AGPS: variants seen among roughly 807,000 people sequenced by gnomAD.
AGPS encodes alkyldihydroxyacetonephosphate synthase, peroxisomal.
A neutral mutation model predicts 90.7 loss-of-function variants in AGPS; 26 were observed. The observed-to-expected ratio is 0.29, with a 90% CI of 0.21 to 0.40. The LOEUF (loss-of-function observed/expected upper bound fraction) is 0.40, where lower values mean the gene tolerates loss of function less well. AGPS is among the 10% of genes least tolerant of loss of function. The probability of loss-of-function intolerance (pLI) is 1.00; values close to 1 mark genes in which losing one functional copy is unlikely to be tolerated. For synonymous variants in AGPS, 294 were observed against 285.3 expected (o/e 1.03, Z -0.31); for missense variants, 540 against 816.1 (o/e 0.66, Z 4.12).
chr2:177,498,231 T>C (rs958327706), intron 13 of AGPS, among the ~76,000 whole-genome samples: 1 of 151,814 alleles, frequency 6.6e-6, no homozygotes, highest in Admixed American at 6.6e-5. Context: ...TTTCTTCTAG[T>C]TCATGTTTTT....
Position 177,479,455 on chromosome 2 carries a change from A to G in AGPS, c.1106-2604A>G, listed in dbSNP as rs576580748. On this transcript the variant is annotated intron_variant, in intron 10 of 19. Coordinates refer to ENST00000264167, the MANE Select transcript of AGPS (RefSeq NM_003659.4). ...TCAAGAGAAAGGAAAACATGTGTCC[A>G]GAAAAAAATTGTACATGTATGTTAA... Among the ~76,000 whole-genome samples, 5 of 152,348 alleles carry G rather than the reference A, an allele frequency of 3.3e-5. No homozygotes were observed. The East Asian group carries it at 7.7e-4, about 23-fold the overall frequency.
At chr2:177,411,782 A>G (rs1352970996) in intron 1 of AGPS, among the ~76,000 whole-genome samples, 9 of 151,948 alleles carry the variant, frequency 5.9e-5, no homozygotes, top group Non-Finnish European at 1.2e-4. Context: ...GACTTACTCA[A>G]TTTGCTTTTA....
chr2:177,504,322 A>AATTT (rs10696203), intron 14 of AGPS, among the ~76,000 whole-genome samples: 1 of 151,694 alleles, frequency 6.6e-6, no homozygotes, highest in Non-Finnish European at 1.5e-5. Context: ...TGAAACTTGG[A>AATTT]GGCTTTCTAC....
chr2:177,523,491 G>T (rs1689261229), intron 18 of AGPS, among the ~76,000 whole-genome samples: 1 of 152,126 alleles, frequency 6.6e-6, no homozygotes, highest in South Asian at 2.1e-4. Flanking sequence ...TGTGCTGAAT[G>T]GTCATTTTGT....
chr2:177,526,180 T>G (rs2079086019), intron 19 of AGPS, among the ~76,000 whole-genome samples: 1 of 152,080 alleles, frequency 6.6e-6, no homozygotes, highest in Admixed American at 6.6e-5. Flanking sequence ...AAGATCATGT[T>G]TATTCAATTC....
rs145089641 is a variant in AGPS, at chr2:177,515,782, G to A, written c.1697+1874G>A. On this transcript the variant is annotated intron_variant, in intron 17 of 19. Transcript: ENST00000264167. Reference sequence around the variant, plus strand: ...ATGGTTTTCCTATAAAAGCTTATGTGTTCAGTTTCTGTGACCATCTTATAA... The same window carrying A: ...ATGGTTTTCCTATAAAAGCTTATGTATTCAGTTTCTGTGACCATCTTATAA... Among the ~76,000 whole-genome samples, 613 of 152,246 alleles carry A rather than the reference G, an allele frequency of 4.0e-3. 5 individuals carry two copies. Among genetic ancestry groups the A allele is most frequent in the East Asian group, 0.032 (168 of 5,186 alleles).
chr2:177,520,791 A>G (rs1194290664), intron 17 of AGPS, among the ~76,000 whole-genome samples: 1 of 152,174 alleles, frequency 6.6e-6, no homozygotes, highest in Non-Finnish European at 1.5e-5. Context: ...TGTCATTTTG[A>G]TTATGCAATT....
chr2:177,512,940 C>T (rs1688919872), intron 16 of AGPS, among the ~76,000 whole-genome samples: 1 of 151,948 alleles, frequency 6.6e-6, no homozygotes, highest in Non-Finnish European at 1.5e-5. Flanking sequence ...ACCTCCCAGG[C>T]TCAAGCAGTC....
At chr2:177,435,381 A>C (rs1432166259) in intron 3 of AGPS, among the ~76,000 whole-genome samples, 2 of 151,872 alleles carry the variant, frequency 1.3e-5, no homozygotes, top group African/African-American at 4.8e-5. Flanking sequence ...TATCTCTTAA[A>C]TTCTCTCTCT....
At chr2:177,521,449 G>C (rs1689191040) in intron 18 of AGPS, 81 bp downstream of exon 18, 2 of 1,181,498 alleles carry the variant, frequency 1.7e-6, no homozygotes, top group East Asian at 4.7e-5. Context: ...TGAATTTTAA[G>C]TTGAGTCTCT....
rs564995360 is a variant in AGPS, at chr2:177,468,626, A to G, written c.1105+102A>G. 2.9e-5 allele frequency: 24 copies of G among 836,784 alleles called. No homozygotes were observed. In the Admixed American group the frequency reaches 3.1e-4, roughly 11 times the overall value. The allele number at this position is 836,784 out of a possible 1,614,324, so 51.8% of individuals were successfully genotyped here. A position where few individuals can be genotyped will look rare whatever the true frequency, so the allele number is the denominator to read the frequency against. ...ATCAGATCTTTGAAAGACATGTTTTATATGTTTAAGGAATTTTTTAAATTT... is the reference window on the plus strand; with the variant it reads ...ATCAGATCTTTGAAAGACATGTTTTGTATGTTTAAGGAATTTTTTAAATTT... On this transcript the variant is annotated intron_variant, in intron 10 of 19. Transcript: ENST00000264167.
chr2:177,420,265 C>G lies in AGPS; in HGVS notation c.261-4C>G. 2 of 1,591,428 alleles carry G rather than the reference C, an allele frequency of 1.3e-6. No homozygotes were observed. The highest frequency in any genetic ancestry group is 1.7e-6 in the Non-Finnish European group (2 of 1,160,374). The stretch of plus-strand genomic sequence containing the variant: ...CTCACTTATATATATTTTCTTCTCA[C>G]TAGGCAAGAAGTTATGAAATGGAAT... On this transcript the variant is annotated splice_polypyrimidine_tract_variant and splice_region_variant and intron_variant, in intron 1 of 19. Coordinates refer to ENST00000264167, the MANE Select transcript of AGPS (RefSeq NM_003659.4).
At position 177,442,484 on chromosome 2, in the gene AGPS, A is replaced by C. The variant is rs754801743; in HGVS notation, c.787A>C (p.Met263Leu). The C allele has an allele frequency of 6.3e-7, 1 of 1,598,056 alleles. No homozygotes were observed. The highest frequency in any genetic ancestry group is 8.6e-7 in the Non-Finnish European group (1 of 1,165,606). The change falls in exon 7 of 20, where the codon ATG (methionine) becomes CTG (leucine). Residue 263 changes from methionine to leucine, a missense_variant and splice_region_variant. By Grantham distance (15) the Met-to-Leu change is conservative (BLOSUM62 2). Around this residue, in one of 2 missense-constraint regions of AGPS, gnomAD observed 405 missense variants for 692.1 expected, o/e 0.59. Coordinates refer to ENST00000264167, the MANE Select transcript of AGPS (RefSeq NM_003659.4). ...RTIISLDTSQ[M>L]NRILWVDENN... ...AATTATTTCTTTGGACACTTCACAAATGGTATTTAATAATTTGAGATATAT... is the reference window on the plus strand; with the variant it reads ...AATTATTTCTTTGGACACTTCACAACTGGTATTTAATAATTTGAGATATAT...
At chr2:177,447,892 G>A (rs1375574071) in intron 8 of AGPS, among the ~76,000 whole-genome samples, 1 of 152,080 alleles carries the variant, frequency 6.6e-6, no homozygotes, top group African/African-American at 2.4e-5. Flanking sequence ...AGCTTAAAAT[G>A]ACACAAATAC....
intron 17 of AGPS, among the ~76,000 whole-genome samples, chr2:177,516,813 T>C (rs1689034232): frequency 1.3e-5 from 2 of 152,168 alleles, no homozygotes; most frequent in African/African-American, 4.8e-5. Context: ...TCCTTCACAC[T>C]TTATTTGAAT....
intron 10 of AGPS, among the ~76,000 whole-genome samples, chr2:177,472,827 G>A (rs1049715706): frequency 3.9e-5 from 6 of 151,978 alleles, no homozygotes; most frequent in Non-Finnish European, 8.8e-5. Flanking sequence ...TGGCTTGTCT[G>A]CAAGGAGTCC....
intron 1 of AGPS, among the ~76,000 whole-genome samples, chr2:177,404,557 C>T (rs781643173): frequency 6.6e-6 from 1 of 152,130 alleles, no homozygotes; most frequent in Non-Finnish European, 1.5e-5. Flanking sequence ...CTAGATTCTA[C>T]TGTTAACATG....
At chr2:177,477,783 A>C (rs1324277633) in intron 10 of AGPS, among the ~76,000 whole-genome samples, 1 of 151,790 alleles carries the variant, frequency 6.6e-6, no homozygotes, top group Non-Finnish European at 1.5e-5. Context: ...CTTTACTTTC[A>C]CTCACTTCTT....
At chr2:177,530,623 A>G (rs1401019479) in intron 19 of AGPS, among the ~76,000 whole-genome samples, 1 of 152,180 alleles carries the variant, frequency 6.6e-6, no homozygotes, top group Admixed American at 6.5e-5. Context: ...GAGAATATTG[A>G]TGCAATTTCT....
Sources: gnomAD v4.1 joint callset for allele counts (sites outside exome capture counted in the v4.1 genomes callset) on GRCh38, gnomAD v4.1.1 for gene constraint, gnomAD v4.1.1 regional missense constraint, MANE v1.5 for transcripts, NCBI Gene and HGNC (gene_info 2026-07-23, HGNC 2026-07-21) for gene names.